The following NKD2 variants were observed in gnomAD, a reference collection of about 807,000 sequenced individuals.
NKD2 encodes NKD inhibitor of Wnt signaling pathway 2, also known as protein naked cuticle homolog 2.
Under a neutral mutation model 34.8 loss-of-function variants are expected in NKD2, and 43 were observed. The observed-to-expected ratio is 1.24, with a 90% CI of 0.97 to 1.60. The LOEUF is 1.60. Among genes scored for constraint, NKD2 ranks in the 40% most tolerant of loss-of-function variants. The pLI is 0.00. For missense variants in NKD2, 675 were observed against 627.1 expected (o/e 1.08, Z -0.82); for synonymous variants, 278 against 265.1 (o/e 1.05, Z -0.47).
intron 3 of NKD2, among the ~76,000 whole-genome samples, chr5:1,027,837 C>T (rs902402129): frequency 3.9e-5 from 6 of 152,280 alleles, no homozygotes; most frequent in East Asian, 1.9e-4. Flanking sequence ...GGGAAGAGGA[C>T]ATCGCCCGCT....
At chr5:1,019,157 A>G (rs545599414) in intron 3 of NKD2, among the ~76,000 whole-genome samples, 60 of 151,940 alleles carry the variant, frequency 3.9e-4, no homozygotes, top group African/African-American at 1.4e-3. Context: ...AATTATACCC[A>G]CTATAGGCAC....
chr5:1,014,440 C>A (rs535339721), intron 3 of NKD2, among the ~76,000 whole-genome samples: 1 of 152,200 alleles, frequency 6.6e-6, no homozygotes, highest in Non-Finnish European at 1.5e-5. Context: ...AGGGCAGGGC[C>A]GTCTCGAGTA....
intron 3 of NKD2, among the ~76,000 whole-genome samples, chr5:1,017,073 A>G (rs984948293): frequency 1.3e-5 from 2 of 152,222 alleles, no homozygotes; most frequent in African/African-American, 4.8e-5. Flanking sequence ...AGCCGACCTC[A>G]TCCTCGTTCC....
intron 9 of NKD2, chr5:1,037,460 C>A: frequency 6.9e-7 from 1 of 1,448,230 alleles, no homozygotes; most frequent in Non-Finnish European, 9.3e-7. Flanking sequence ...TTAGGGGATG[C>A]GAATCCTGGG....
chr5:1,026,993 T>G (rs10040636), intron 3 of NKD2, among the ~76,000 whole-genome samples: 15,539 of 152,246 alleles, frequency 0.1, 1,230 homozygotes, highest in African/African-American at 0.21. Context: ...CAGCCCAGTT[T>G]GTAGGATTAG....
chr5:1,021,962 T>G (rs992972673), intron 3 of NKD2, among the ~76,000 whole-genome samples: 11 of 152,168 alleles, frequency 7.2e-5, no homozygotes, highest in African/African-American at 2.7e-4. Context: ...GCCTGCAGCC[T>G]GCTGCGACCA....
chr5:1,010,519 G>C (rs1216899054), intron 3 of NKD2, among the ~76,000 whole-genome samples: 1 of 152,204 alleles, frequency 6.6e-6, no homozygotes, highest in East Asian at 1.9e-4. Flanking sequence ...GCTTAGGTCT[G>C]CTTGGAAATT....
chr5:1,035,501 T>A, intron 8 of NKD2, 28 bp downstream of exon 8: 1 of 1,532,846 alleles, frequency 6.5e-7, no homozygotes, highest in South Asian at 1.2e-5. Context: ...AGGGTGGGGC[T>A]GTGCCTTAGG....
intron 9 of NKD2, 74 bp downstream of exon 9, chr5:1,036,458 C>T: frequency 7.5e-7 from 1 of 1,335,580 alleles, no homozygotes; most frequent in Non-Finnish European, 1.0e-6. Flanking sequence ...TTCCCACAGC[C>T]CTGAGTGCAG....
In NKD2 at chr5:1,037,892, A is replaced by C. The variant is rs745647309; in HGVS notation, c.875A>C (p.His292Pro). 8 of 1,606,034 alleles carry C rather than the reference A, an allele frequency of 5.0e-6. No homozygotes were observed. In the East Asian group the frequency reaches 1.8e-4, roughly 36 times the overall value. ...ARSRSQEPDT[H>P]AVHHRRSQVL... ...TCCCGCTCCCAGGAGCCAGATACAC[A>C]TGCCGTACACCACCGCAGGTCACAG... The change falls in exon 10 of 10, where the codon CAT (histidine) becomes CCT (proline). Residue 292 changes from histidine (H) to proline (P), a missense_variant. Transcript: ENST00000296849.
At chr5:1,013,438 C>T (rs569390553) in intron 3 of NKD2, among the ~76,000 whole-genome samples, 121 of 152,150 alleles carry the variant, frequency 8.0e-4, no homozygotes, top group Admixed American at 1.3e-3. Context: ...CACAGACATG[C>T]ACAGAGGCTC....
intron 3 of NKD2, among the ~76,000 whole-genome samples, chr5:1,012,590 C>T (rs1167280207): frequency 6.6e-6 from 1 of 152,270 alleles, no homozygotes; most frequent in African/African-American, 2.4e-5. Context: ...CAGGCCTTCA[C>T]CTGCACTGGC....
Position 1,009,558 on chromosome 5 carries a change from CAGGT to C in NKD2, c.141+2_141+5del. On this transcript the variant is annotated splice_donor_variant and coding_sequence_variant, in exon 3 of 10. Transcript: ENST00000296849. LOFTEE classifies it high-confidence loss of function. The surrounding 1 kb of genome is among the most constrained non-coding windows in gnomAD (Gnocchi z 6.9). ...AGCGGAGCGGCGCGCGCGGGACAAG[CAGGT>C]AGGCGGCGGGGCGGAGGCTGGGGTC... The C allele has an allele frequency of 1.3e-6, 2 of 1,482,488 alleles. No homozygotes were observed. Among genetic ancestry groups the C allele is most frequent in the Non-Finnish European group, 1.8e-6 (2 of 1,125,872 alleles). 91.8% of individuals were successfully genotyped at this position (1,482,488 alleles called of 1,614,324 possible).
At chr5:1,026,888 T>C (rs10040611) in intron 3 of NKD2, among the ~76,000 whole-genome samples, 15,527 of 152,328 alleles carry the variant, frequency 0.1, 1,232 homozygotes, top group African/African-American at 0.21. Context: ...GGCAGGCGCC[T>C]ACCTTGCTCC....
At chr5:1,010,254 C>T (rs138330300) in intron 3 of NKD2, among the ~76,000 whole-genome samples, 1 of 152,304 alleles carries the variant, frequency 6.6e-6, no homozygotes, top group East Asian at 1.9e-4. Context: ...TGCATGTTTG[C>T]TGAGCGTGAG....
intron 6 of NKD2, 139 bp from the exon 7 acceptor site, chr5:1,034,617 C>T: frequency 1.1e-6 from 1 of 947,616 alleles, no homozygotes; most frequent in Non-Finnish European, 1.6e-6. Context: ...GAGAAGATGC[C>T]TGTGTTGGTT....
At chr5:1,028,582 G>A (rs918578512) in intron 3 of NKD2, among the ~76,000 whole-genome samples, 1 of 152,236 alleles carries the variant, frequency 6.6e-6, no homozygotes, top group Middle Eastern at 3.4e-3. Flanking sequence ...GGCGGGAGGG[G>A]ACAACGGGCA....
intron 3 of NKD2, among the ~76,000 whole-genome samples, chr5:1,019,591 T>C (rs1756095352): frequency 6.6e-6 from 1 of 152,154 alleles, no homozygotes. Flanking sequence ...ACGGGGGTGC[T>C]TTAGAGAAAG....
intron 3 of NKD2, among the ~76,000 whole-genome samples, chr5:1,018,682 C>T (rs1756053853): frequency 6.6e-6 from 1 of 152,128 alleles, no homozygotes; most frequent in Non-Finnish European, 1.5e-5. Flanking sequence ...GCAGAAAGGC[C>T]CAAGGCCGGA....
Sources: gnomAD v4.1 joint callset for allele counts (sites outside exome capture counted in the v4.1 genomes callset) on GRCh38, gnomAD v4.1.1 for gene constraint, Gnocchi (gnomAD v3.1) non-coding constraint, MANE v1.5 for transcripts, NCBI Gene and HGNC (gene_info 2026-07-23, HGNC 2026-07-21) for gene names.